CRACDL: variants seen among roughly 807,000 people sequenced by gnomAD.
CRACDL encodes the protein CRACD-like protein.
Under a neutral mutation model 70.6 loss-of-function variants are expected in CRACDL, and 26 were observed. The observed-to-expected ratio is 0.37, with a 90% CI of 0.27 to 0.51. CRACDL has a LOEUF of 0.51. CRACDL is among the 20% of genes least tolerant of loss of function. The pLI is 0.94. For missense variants in CRACDL, 1,283 were observed against 1,376.9 expected, an observed-to-expected ratio of 0.93 and a Z score of 1.08; for synonymous variants, 618 against 615.2, an observed-to-expected ratio of 1.00 and a Z score of -0.07.
intron 3 of CRACDL, among the ~76,000 whole-genome samples, chr2:98,834,729 A>G (rs1705696599): frequency 6.6e-6 from 1 of 152,226 alleles, no homozygotes; most frequent in African/African-American, 2.4e-5. Flanking sequence ...AAAGAGAAAT[A>G]AAACAATCTC....
chr2:98,832,641 A>C, intron 4 of CRACDL, 129 bp from the exon 5 acceptor site: 1 of 1,030,544 alleles, frequency 9.7e-7, no homozygotes. Flanking sequence ...ACTGAACTGA[A>C]CGTGCATCTG....
intron 1 of CRACDL, among the ~76,000 whole-genome samples, chr2:98,868,022 C>T (rs1392336068): frequency 6.6e-6 from 1 of 152,146 alleles, no homozygotes; most frequent in Admixed American, 6.5e-5. Flanking sequence ...CATAACATCA[C>T]CACTCTATCC....
chr2:98,899,637 GA>G (rs931975301), intron 1 of CRACDL, among the ~76,000 whole-genome samples: 3 of 150,922 alleles, frequency 2.0e-5, no homozygotes, highest in Non-Finnish European at 3.0e-5. Flanking sequence ...AGACTGGAGT[GA>G]AAAAAAAAGG....
At chr2:98,928,008 C>A (rs963413026) in intron 1 of CRACDL, among the ~76,000 whole-genome samples, 1 of 151,932 alleles carries the variant, frequency 6.6e-6, no homozygotes, top group African/African-American at 2.4e-5. Context: ...CGGTGAAACC[C>A]TGTCTCTGCT....
At chr2:98,829,406 G>T (rs556489930) in intron 5 of CRACDL, among the ~76,000 whole-genome samples, 4 of 152,282 alleles carry the variant, frequency 2.6e-5, no homozygotes, top group African/African-American at 7.2e-5. Flanking sequence ...AGATCTTGGG[G>T]TCCAGAAAGA....
rs1380319481 is a variant in CRACDL, at chr2:98,823,383, G to A, written c.890C>T (p.Ala297Val). The A allele has an allele frequency of 6.5e-7, 1 of 1,539,086 alleles. No homozygotes were observed. The highest frequency in any genetic ancestry group is 2.0e-5 in the Admixed American group (1 of 50,834). Residue 297 changes from alanine (A) to valine (V), a missense_variant, in exon 7 of 10, where the codon GCG (alanine) becomes GTG (valine). By Grantham distance (64) the Ala-to-Val change is moderately conservative (BLOSUM62 0). This residue lies in a region of CRACDL where 362 missense variants were observed against 495.0 expected (regional missense o/e 0.73). Coordinates refer to ENST00000397899, the MANE Select transcript of CRACDL (RefSeq NM_207362.3). The surrounding 1 kb of genome is among the most constrained non-coding windows in gnomAD (Gnocchi z 4.0). ...GGCCCCTCCGGGTGGCGGCAAGGGC[G>A]CCGGTGGCCCAGGCTCAGGGCCTCT... ...PDRGPEPGPP[A>V]PLPPPGGARA...
intron 3 of CRACDL, among the ~76,000 whole-genome samples, chr2:98,836,418 G>A (rs1223465585): frequency 2.6e-5 from 4 of 152,078 alleles, no homozygotes; most frequent in African/African-American, 9.7e-5. Context: ...AATCTTCCTT[G>A]CCTAGCATCA....
At chr2:98,848,734 A>T (rs1438060997) in intron 1 of CRACDL, among the ~76,000 whole-genome samples, 1 of 152,116 alleles carries the variant, frequency 6.6e-6, no homozygotes, top group Non-Finnish European at 1.5e-5. Context: ...ACACAGGCCC[A>T]CGCCACCACA....
chr2:98,932,520 T>A (rs1339823866), intron 1 of CRACDL, among the ~76,000 whole-genome samples: 1 of 152,100 alleles, frequency 6.6e-6, no homozygotes, highest in East Asian at 1.9e-4. Flanking sequence ...GTTGCTCTGA[T>A]GATGAGGCAG....
chr2:98,867,601 C>T (rs1164926740), intron 1 of CRACDL, among the ~76,000 whole-genome samples: 1 of 152,120 alleles, frequency 6.6e-6, no homozygotes, highest in Non-Finnish European at 1.5e-5. Context: ...AAGCATCAGA[C>T]TTCATAGCCT....
At chr2:98,864,583 A>G (rs1002088142) in intron 1 of CRACDL, among the ~76,000 whole-genome samples, 3 of 145,988 alleles carry the variant, frequency 2.1e-5, no homozygotes, top group Admixed American at 7.0e-5. Context: ...GTCTCGTTCC[A>G]TCACCCAGGT....
intron 1 of CRACDL, among the ~76,000 whole-genome samples, chr2:98,870,787 C>A (rs1270333764): frequency 6.6e-6 from 1 of 152,220 alleles, no homozygotes; most frequent in Non-Finnish European, 1.5e-5. Flanking sequence ...CTGCTCTGGG[C>A]ATGTGACCTG....
Position 98,823,625 on chromosome 2 carries a change from GT to G in CRACDL, c.736-89del. 6.8e-7 allele frequency: 1 copy of G among 1,475,804 alleles called. No individual in the cohort carries two copies. Among genetic ancestry groups the G allele is most frequent in the Non-Finnish European group, 9.1e-7 (1 of 1,093,724 alleles). 91.4% of individuals were successfully genotyped at this position (1,475,804 alleles called of 1,614,324 possible). On this transcript the variant is annotated intron_variant, in intron 6 of 9. Coordinates refer to ENST00000397899, the MANE Select transcript of CRACDL (RefSeq NM_207362.3). This position sits in a 1 kb window ranked among gnomAD's most constrained non-coding sequence, Gnocchi z 4.0. ...CCCACTTTTTTCAAGGCTTATAATGGTTTAGTGATAGCAGCACTATAAAGCT... is the reference window on the plus strand; with the variant it reads ...CCCACTTTTTTCAAGGCTTATAATGGTTAGTGATAGCAGCACTATAAAGCT...
chr2:98,926,447 T>G (rs1232106856), intron 1 of CRACDL, among the ~76,000 whole-genome samples: 1 of 152,176 alleles, frequency 6.6e-6, no homozygotes, highest in Non-Finnish European at 1.5e-5. Context: ...CAGGCCATTT[T>G]GAACAGTCCA....
intron 1 of CRACDL, among the ~76,000 whole-genome samples, chr2:98,859,897 C>A (rs758104694): frequency 2.0e-5 from 3 of 152,100 alleles, no homozygotes; most frequent in Non-Finnish European, 4.4e-5. Context: ...TGATCATGCA[C>A]ATAGATAATG....
chr2:98,843,806 C>T (rs1706135222), intron 2 of CRACDL, among the ~76,000 whole-genome samples: 1 of 152,132 alleles, frequency 6.6e-6, no homozygotes, highest in Admixed American at 6.6e-5. Flanking sequence ...AAGCTTTCAA[C>T]TTTATGTTTT....
At chr2:98,909,154 G>A (rs573785388) in intron 1 of CRACDL, among the ~76,000 whole-genome samples, 44 of 152,326 alleles carry the variant, frequency 2.9e-4, no homozygotes, top group African/African-American at 1.1e-3. Flanking sequence ...GAAGAGATTG[G>A]CAGAAAGCTG....
chr2:98,886,004 G>T (rs1048124876), intron 1 of CRACDL, among the ~76,000 whole-genome samples: 2 of 151,976 alleles, frequency 1.3e-5, no homozygotes, highest in Non-Finnish European at 2.9e-5. Context: ...GAGATAAACA[G>T]CCAAATCTCG....
chr2:98,832,846 C>G lies in CRACDL; in HGVS notation c.375+16G>C, dbSNP rs1705602594. On this transcript the variant is annotated intron_variant, in intron 4 of 9. Transcript: ENST00000397899. ...TTGACTTGCACACCAGGCGACATGA[C>G]CAAGGAAACATTTACCTGCAGAGCT... 6.2e-7 allele frequency: 1 copy of G among 1,613,040 alleles called. No homozygotes were observed. Among genetic ancestry groups the G allele is most frequent in the African/African-American group, 1.3e-5 (1 of 74,844 alleles).
Sources: gnomAD v4.1 joint callset for allele counts (sites outside exome capture counted in the v4.1 genomes callset) on GRCh38, gnomAD v4.1.1 for gene constraint, gnomAD v4.1.1 regional missense constraint, Gnocchi (gnomAD v3.1) non-coding constraint, MANE v1.5 for transcripts, NCBI Gene and HGNC (gene_info 2026-07-23, HGNC 2026-07-21) for gene names.